The following AKNA variants were observed in gnomAD, a reference collection of about 807,000 sequenced individuals.
AKNA encodes microtubule organization protein AKNA.
AKNA carries 67 observed loss-of-function variants against 138.8 expected under a neutral mutation model. The ratio of observed to expected loss-of-function variants is 0.48; its 90% confidence interval spans 0.40 to 0.59. AKNA has a LOEUF of 0.59. Among genes scored for constraint, AKNA ranks in the 20% least tolerant of loss-of-function variants. AKNA has a pLI of 0.00. For missense variants in AKNA, 1,813 were observed against 1,880.4 expected, an observed-to-expected ratio of 0.96 and a Z score of 0.66; for synonymous variants, 737 against 754.4, an observed-to-expected ratio of 0.98 and a Z score of 0.38.
chr9:114,343,009 G>A (rs1307195115), intron 19 of AKNA, among the ~76,000 whole-genome samples: 2 of 152,240 alleles, frequency 1.3e-5, no homozygotes, highest in African/African-American at 2.4e-5. Context: ...TCTACCACTT[G>A]TAAGCTGTGT....
intron 12 of AKNA, 85 bp downstream of exon 12, chr9:114,357,836 C>A: frequency 1.3e-6 from 2 of 1,562,332 alleles, no homozygotes; most frequent in Non-Finnish European, 1.7e-6. Context: ...AGGAATAGCA[C>A]AAGGAAAGAC....
rs745817053 is a variant in AKNA at position 114,376,671 on chromosome 9, G to C, written c.1136C>G (p.Pro379Arg). 6 of 1,613,502 alleles carry C rather than the reference G, an allele frequency of 3.7e-6. No homozygotes were observed. The highest frequency in any genetic ancestry group is 3.3e-5 in the Admixed American group (2 of 59,886). Residue 379 changes from proline to arginine, a missense_variant, in exon 3 of 22, where the codon CCC becomes CGC. Transcript: ENST00000374088. ...RFPKDESYRP[P>R]KSRSHNRKPQ... ...CTTCCTGTTGTGGCTTCTGGACTTG[G>C]GGGGACGGTAGCTCTCATCTTTGGG...
chr9:114,383,939 G>C (rs1336665839), intron 1 of AKNA, among the ~76,000 whole-genome samples: 1 of 151,998 alleles, frequency 6.6e-6, no homozygotes, highest in African/African-American at 2.4e-5. Flanking sequence ...CCCAAATGCA[G>C]AGCCCTACAA....
intron 1 of AKNA, among the ~76,000 whole-genome samples, chr9:114,384,180 C>A (rs192217384): frequency 1.3e-5 from 2 of 152,350 alleles, no homozygotes; most frequent in East Asian, 3.9e-4. Flanking sequence ...TTTAATCACA[C>A]AATCCATCAG....
rs1829977323 is a variant in AKNA, at chr9:114,336,052, G to C, written c.*1002C>G. ...AACAGGTCCCCTGGGAAAGGGCTTG[G>C]CTGGGCATCAAACCTACCACCCCAT... On this transcript the variant is annotated 3_prime_UTR_variant, in exon 22 of 22. Coordinates refer to ENST00000374088, the MANE Select transcript of AKNA (RefSeq NM_001317950.2). The C allele has an allele frequency of 2.6e-5, 4 of 152,334 alleles. No homozygotes were observed. In the South Asian group the frequency reaches 8.3e-4, roughly 31 times the overall value. The allele number at this position is 152,334 out of a possible 1,614,324, so 9.4% of individuals were successfully genotyped here.
intron 12 of AKNA, among the ~76,000 whole-genome samples, chr9:114,357,220 G>C (rs924935924): frequency 1.3e-5 from 2 of 152,146 alleles, no homozygotes; most frequent in Non-Finnish European, 2.9e-5. Context: ...AGGGGTGGCA[G>C]CCAGAGCCCT....
chr9:114,393,728 G>T (rs1450137394), intron 1 of AKNA, among the ~76,000 whole-genome samples: 1 of 150,008 alleles, frequency 6.7e-6, no homozygotes, highest in Non-Finnish European at 1.5e-5. Context: ...AAGTGGACAA[G>T]CCAGTTATAA....
chr9:114,387,614 C>G (rs1184895639), intron 1 of AKNA, among the ~76,000 whole-genome samples: 1 of 152,232 alleles, frequency 6.6e-6, no homozygotes, highest in African/African-American at 2.4e-5. Flanking sequence ...TACCCAAGTT[C>G]ACAAGAGATC....
Position 114,337,028 on chromosome 9 carries a change from C to A in AKNA, c.*26G>T. 3.1e-6 allele frequency: 3 copies of A among 955,222 alleles called. No homozygotes were observed. Among genetic ancestry groups the A allele is most frequent in the Admixed American group, 3.6e-5 (1 of 27,774 alleles). 59.2% of individuals were successfully genotyped at this position (955,222 alleles called of 1,614,324 possible). ...CAGGCCACCTGCCCACCCACCCACCCATCTGCCTCTGGGCCCCCAGTGAAG... is the reference window on the plus strand; with the variant it reads ...CAGGCCACCTGCCCACCCACCCACCAATCTGCCTCTGGGCCCCCAGTGAAG... On this transcript the variant is annotated 3_prime_UTR_variant, in exon 22 of 22. Coordinates refer to ENST00000374088, the MANE Select transcript of AKNA (RefSeq NM_001317950.2).
intron 1 of AKNA, chr9:114,383,293 T>C: frequency 2.2e-6 from 1 of 445,126 alleles, no homozygotes; most frequent in Non-Finnish European, 4.5e-6. Context: ...CCTCTTTCCT[T>C]CTCCCTCTCA....
At position 114,355,067 on chromosome 9, in the gene AKNA, G is replaced by A. The variant is rs181916592; in HGVS notation, c.3058+858C>T. Among the ~76,000 whole-genome samples the A allele has an allele frequency of 6.2e-3, 934 of 151,504 alleles. 5 individuals are homozygous for A. The highest frequency in any genetic ancestry group is 0.01 in the Middle Eastern group (3 of 290). ...TTTTTGTATTTTTAATAGAGATGGG[G>A]TTTTGTCATGTTGGCCACAGGTGAT... On this transcript the variant is annotated intron_variant, in intron 14 of 21. Transcript: ENST00000374088.
intron 2 of AKNA, among the ~76,000 whole-genome samples, chr9:114,378,818 C>T (rs1171177608): frequency 1.3e-5 from 2 of 152,186 alleles, no homozygotes; most frequent in Non-Finnish European, 2.9e-5. Flanking sequence ...TTATGGAGCA[C>T]CCACTCTGCT....
intron 16 of AKNA, 32 bp from the exon 17 acceptor site, chr9:114,346,816 G>T: frequency 6.3e-7 from 1 of 1,589,780 alleles, no homozygotes; most frequent in Non-Finnish European, 8.6e-7. Context: ...GATGTCATTG[G>T]ATGAGGTTTT....
In AKNA at chr9:114,351,117, C is replaced by T. The variant is rs78900304; in HGVS notation, c.3059-96G>A. The T allele has an allele frequency of 1.7e-3, 2,228 of 1,298,838 alleles. 33 individuals are homozygous for T. The African/African-American group carries it at 0.029, about 17-fold the overall frequency. The allele number at this position is 1,298,838 out of a possible 1,614,324, so 80.5% of individuals were successfully genotyped here. A position where few individuals can be genotyped will look rare whatever the true frequency, so the allele number is the denominator to read the frequency against. ...TGGAATGATGGGGGAAGTGAAGAGA[C>T]GGTGCCTAGTTCAAGGTCACAAAGG... On this transcript the variant is annotated intron_variant, in intron 14 of 21. Coordinates refer to ENST00000374088, the MANE Select transcript of AKNA (RefSeq NM_001317950.2).
chr9:114,343,752 G>A lies in AKNA; in HGVS notation c.3713C>T (p.Thr1238Ile), dbSNP rs750509009. The A allele has an allele frequency of 8.1e-6, 13 of 1,614,092 alleles. No individual in the cohort carries two copies. The Admixed American group carries it at 1.2e-4, about 14-fold the overall frequency. ...SPKAVPKGNG[T>I]VSCPHCRPIR... The stretch of plus-strand genomic sequence containing the variant: ...GGGCCGGCAGTGGGGACAGGAGACT[G>A]TGCCATTGCCTTTTGGGACCGCCTT... The change falls in exon 19 of 22, where the codon ACA becomes ATA. Residue 1238 changes from threonine (T) to isoleucine (I), a missense_variant. Transcript: ENST00000374088.
intron 12 of AKNA, among the ~76,000 whole-genome samples, chr9:114,357,468 T>C (rs771674858): frequency 1.1e-4 from 16 of 152,216 alleles, no homozygotes; most frequent in Non-Finnish European, 1.9e-4. Flanking sequence ...GCTGAGTTCA[T>C]GTCTAGTGCA....
At chr9:114,397,368 AT>A (rs1367174326), upstream of AKNA, among the ~76,000 whole-genome samples, 1 of 152,218 alleles carries the variant, frequency 6.6e-6, no homozygotes, top group African/African-American at 2.4e-5. Flanking sequence ...AAGTCCCTGT[AT>A]GTATCTAACT....
chr9:114,375,682 G>A (rs1309604582), intron 3 of AKNA, among the ~76,000 whole-genome samples: 1 of 152,088 alleles, frequency 6.6e-6, no homozygotes, highest in Non-Finnish European at 1.5e-5. Flanking sequence ...GTGAATAGGG[G>A]AGAGGTAAGG....
At chr9:114,383,206 G>A (rs945479501) in intron 1 of AKNA, 14 of 455,940 alleles carry the variant, frequency 3.1e-5, no homozygotes, top group Non-Finnish European at 4.4e-5. Flanking sequence ...CGGGGGACCC[G>A]TCAGGCGGCT....
Sources: allele counts gnomAD v4.1 joint callset (sites outside exome capture counted in the v4.1 genomes callset), GRCh38; gene constraint gnomAD v4.1.1; transcripts MANE v1.5; gene names NCBI Gene and HGNC (gene_info 2026-07-23, HGNC 2026-07-21).